GON4L: variants seen among roughly 807,000 people sequenced by gnomAD.
GON4L encodes the protein gon-4 like.
Under a neutral mutation model 211.8 loss-of-function variants are expected in GON4L, and 87 were observed. The observed-to-expected ratio is 0.41, with a 90% CI of 0.35 to 0.49. GON4L has a LOEUF of 0.49. GON4L is among the 20% of genes least tolerant of loss of function. GON4L has a pLI of 0.15. For synonymous variants in GON4L, 875 were observed against 962.6 expected, an observed-to-expected ratio of 0.91 and a Z score of 1.68; for missense variants, 2,155 against 2,659.5, an observed-to-expected ratio of 0.81 and a Z score of 4.17.
At position 155,854,892 on chromosome 1, in the gene GON4L, G is replaced by A. The variant is rs547610291; in HGVS notation, c.-26-1086C>T. ...CTCTACTAAAAATACAAAATTAGCC[G>A]GGCGTGGTGGCACACGCCTGTGATC... On this transcript the variant is annotated intron_variant, in intron 1 of 31. Coordinates refer to ENST00000368331, the MANE Select transcript of GON4L (RefSeq NM_001282860.2). Among the ~76,000 whole-genome samples, 31 of 152,090 alleles carry A rather than the reference G, an allele frequency of 2.0e-4. No individual in the cohort carries two copies. The South Asian group carries it at 3.9e-3, about 19-fold the overall frequency.
chr1:155,763,059 AAAAG>A (rs1003463877), intron 22 of GON4L, among the ~76,000 whole-genome samples: 43 of 152,194 alleles, frequency 2.8e-4, no homozygotes, highest in African/African-American at 8.9e-4. Flanking sequence ...AAAAATAAAA[AAAAG>A]AAAGAAAGTG....
intron 10 of GON4L, among the ~76,000 whole-genome samples, chr1:155,809,166 G>A (rs1667446527): frequency 6.6e-6 from 1 of 151,964 alleles, no homozygotes; most frequent in Non-Finnish European, 1.5e-5. Context: ...TTCTAGCCTA[G>A]GACTCCCAAA....
In GON4L at chr1:155,853,532, G is replaced by A. The variant is rs140822665; in HGVS notation, c.249C>T (p.Leu83=). 9 of 1,614,064 alleles carry A rather than the reference G, an allele frequency of 5.6e-6. No individual in the cohort carries two copies. The African/African-American group carries it at 8.0e-5, about 14-fold the overall frequency. ...GAATTGGTACATTTGTGTTCTGGGT[G>A]AGCATTCCAGAGCTCAGAGATGTAT... The part of the protein sequence containing the change: ...MEDTSLSSGM[L]TQNTNVPILE... The change falls in exon 2 of 32, where the codon CTC becomes CTT. Residue 83 remains leucine, a synonymous_variant. Coordinates refer to ENST00000368331, the MANE Select transcript of GON4L (RefSeq NM_001282860.2).
intron 14 of GON4L, among the ~76,000 whole-genome samples, chr1:155,783,785 C>T (rs1226379016): frequency 6.6e-6 from 1 of 152,194 alleles, no homozygotes; most frequent in Non-Finnish European, 1.5e-5. Flanking sequence ...CCTTCCCAAA[C>T]GGATATAGCT....
At chr1:155,820,256 C>T (rs981464252) in intron 6 of GON4L, among the ~76,000 whole-genome samples, 2 of 152,102 alleles carry the variant, frequency 1.3e-5, no homozygotes, top group African/African-American at 2.4e-5. Flanking sequence ...GGATCCCACA[C>T]CAAAGTGATT....
At chr1:155,767,740 CTA>C (rs1282890981) in intron 19 of GON4L, among the ~76,000 whole-genome samples, 199 bp from the exon 20 acceptor site, 1 of 152,016 alleles carries the variant, frequency 6.6e-6, no homozygotes, top group Non-Finnish European at 1.5e-5. Context: ...TCAAATTAAA[CTA>C]ATCTCTATTT....
intron 15 of GON4L, 150 bp downstream of exon 15, chr1:155,777,472 G>A: frequency 1.4e-6 from 1 of 690,570 alleles, no homozygotes; most frequent in East Asian, 2.7e-5. Flanking sequence ...CCAGCTACTT[G>A]GGAGGCTGAG....
chr1:155,752,731 G>A (rs557011554), intron 29 of GON4L, 141 bp from the exon 30 acceptor site: 17 of 1,332,890 alleles, frequency 1.3e-5, no homozygotes, highest in Admixed American at 4.2e-5. Flanking sequence ...TATAATGTCC[G>A]CACTTTGGGA....
chr1:155,837,002 A>G (rs1571906333), intron 2 of GON4L, among the ~76,000 whole-genome samples: 2 of 151,692 alleles, frequency 1.3e-5, no homozygotes, highest in South Asian at 4.2e-4. Context: ...ACTGTTGGCC[A>G]CCCCCAGGTT....
intron 7 of GON4L, 73 bp downstream of exon 7, chr1:155,816,135 TAAAG>T (rs1394862394): frequency 1.3e-6 from 1 of 764,386 alleles, no homozygotes; most frequent in Admixed American, 2.1e-5. Flanking sequence ...CAAGAAAAGT[TAAAG>T]AGGAAGTACT....
chr1:155,822,454 A>G lies in GON4L; in HGVS notation c.720T>C (p.Ser240=). The G allele has an allele frequency of 6.2e-7, 1 of 1,613,160 alleles. No homozygotes were observed. Among genetic ancestry groups the G allele is most frequent in the South Asian group, 1.1e-5 (1 of 91,064 alleles). ...CCTTTTTCTTTTTTCTCCTTTTCTC[A>G]CTTTCTTCATTGTCTTGTTCTTCTG... The part of the protein sequence containing the change: ...IPMEEQDNEE[S]EKRRKKKKGT... Residue 240 remains serine (S), a synonymous_variant, in exon 4 of 32, where the codon AGT becomes AGC. Transcript: ENST00000368331.
chr1:155,769,256 C>T (rs982769965), intron 19 of GON4L, among the ~76,000 whole-genome samples: 9 of 152,004 alleles, frequency 5.9e-5, no homozygotes, highest in Non-Finnish European at 8.8e-5. Flanking sequence ...GATTACAGGC[C>T]TGAGCCACCG....
chr1:155,805,996 T>G (rs931729782), intron 10 of GON4L, among the ~76,000 whole-genome samples: 5 of 150,664 alleles, frequency 3.3e-5, no homozygotes, highest in Admixed American at 3.3e-4. Flanking sequence ...GTGTTTTTTT[T>G]TTTTTTTTTA....
At chr1:155,849,443 C>T (rs1348334923) in intron 2 of GON4L, among the ~76,000 whole-genome samples, 86 of 150,742 alleles carry the variant, frequency 5.7e-4, no homozygotes, top group Admixed American at 3.7e-3. Context: ...ACTCGGGAGG[C>T]TGAGGCAGGA....
Position 155,845,985 on chromosome 1 carries a change from G to A in GON4L, c.505+7291C>T, listed in dbSNP as rs548515617. On this transcript the variant is annotated intron_variant, in intron 2 of 31. Coordinates refer to ENST00000368331, the MANE Select transcript of GON4L (RefSeq NM_001282860.2). ...AAGGGACTGAACTCCAAGCTTCTGG[G>A]TACCAGAAGCTACCTGGAAAAAGTT... 60 of 209,276 alleles carry A rather than the reference G, an allele frequency of 2.9e-4. No homozygotes were observed. The South Asian group carries it at 4.8e-3, about 17-fold the overall frequency. The allele number at this position is 209,276 out of a possible 1,614,324, so 13.0% of individuals were successfully genotyped here. A position where few individuals can be genotyped will look rare whatever the true frequency, so the allele number is the denominator to read the frequency against.
At chr1:155,779,701 T>C (rs1664222162) in intron 14 of GON4L, among the ~76,000 whole-genome samples, 1 of 152,166 alleles carries the variant, frequency 6.6e-6, no homozygotes, top group Non-Finnish European at 1.5e-5. Context: ...ACTGACATGC[T>C]GGGTTTTTGA....
At chr1:155,839,013 A>G (rs1670552422) in intron 2 of GON4L, among the ~76,000 whole-genome samples, 1 of 152,050 alleles carries the variant, frequency 6.6e-6, no homozygotes. Flanking sequence ...AATATCTGAT[A>G]GTTCAGGATT....
At chr1:155,804,432 T>C (rs887145562) in intron 11 of GON4L, among the ~76,000 whole-genome samples, 43 of 151,928 alleles carry the variant, frequency 2.8e-4, no homozygotes, top group Admixed American at 2.8e-3. Context: ...TTCAAGGGAT[T>C]CAAATCTTAG....
At chr1:155,750,819 A>AGTG in intron 31 of GON4L, 86 bp from the exon 32 acceptor site, 1 of 1,314,066 alleles carries the variant, frequency 7.6e-7, no homozygotes, top group Non-Finnish European at 1.1e-6. Context: ...ACTGGAGTGC[A>AGTG]GTGGCACTGT....
Sources: gnomAD v4.1 joint callset for allele counts (sites outside exome capture counted in the v4.1 genomes callset) on GRCh38, gnomAD v4.1.1 for gene constraint, MANE v1.5 for transcripts, NCBI Gene and HGNC (gene_info 2026-07-23, HGNC 2026-07-21) for gene names.